CAMTA1: variants seen among roughly 807,000 people sequenced by gnomAD.
CAMTA1 encodes the protein calmodulin-binding transcription activator 1.
CAMTA1 carries 27 observed loss-of-function variants against 170.9 expected under a neutral mutation model. That is an observed-to-expected ratio of 0.16 (90% CI 0.12 to 0.22). CAMTA1 has a LOEUF of 0.22. Among genes scored for constraint, CAMTA1 ranks in the 10% least tolerant of loss-of-function variants. CAMTA1 has a pLI of 1.00. For missense variants in CAMTA1, 1,619 were observed against 2,217.2 expected (o/e 0.73, Z 5.42); for synonymous variants, 833 against 891.5 (o/e 0.93, Z 1.17).
At chr1:7,313,568 C>T (rs116426166) in intron 5 of CAMTA1, among the ~76,000 whole-genome samples, 255 of 152,310 alleles carry the variant, frequency 1.7e-3, no homozygotes, top group African/African-American at 5.9e-3. Flanking sequence ...AATTTCTGGA[C>T]ATCAAACCTA....
At chr1:7,068,523 C>G (rs1012824727) in intron 3 of CAMTA1, among the ~76,000 whole-genome samples, 1 of 152,110 alleles carries the variant, frequency 6.6e-6, no homozygotes. Context: ...GCCAGGCAGA[C>G]CACGATGGGG....
At chr1:7,345,820 A>T (rs2084180653) in intron 5 of CAMTA1, among the ~76,000 whole-genome samples, 1 of 152,134 alleles carries the variant, frequency 6.6e-6, no homozygotes, top group Non-Finnish European at 1.5e-5. Flanking sequence ...GCTGCCACTG[A>T]CCTACCTGCC....
rs1273425751 is a variant in CAMTA1, at chr1:7,532,843, AC to A, written c.510+64943del. ...AAGAGAAACAGGCCAGCAGGGCCCC[AC>A]GTGCTGAATGTCAAAGGGTGGAATG... is the stretch of plus-strand genomic sequence containing the variant. On this transcript the variant is annotated intron_variant, in intron 6 of 22. Transcript: ENST00000303635. The surrounding 1 kb of genome is among the most constrained non-coding windows in gnomAD (Gnocchi z 4.2). Among the ~76,000 whole-genome samples the A allele has an allele frequency of 6.6e-6, 1 of 152,154 alleles. No homozygotes were observed. The highest frequency in any genetic ancestry group is 2.4e-5 in the African/African-American group (1 of 41,442).
At chr1:7,487,707 C>G (rs977693224) in intron 6 of CAMTA1, among the ~76,000 whole-genome samples, 1 of 152,206 alleles carries the variant, frequency 6.6e-6, no homozygotes, top group African/African-American at 2.4e-5. Context: ...GACTGAAGAG[C>G]AGAGGGACAA....
At chr1:7,383,210 C>T (rs1237069625) in intron 5 of CAMTA1, among the ~76,000 whole-genome samples, 1 of 151,848 alleles carries the variant, frequency 6.6e-6, no homozygotes, top group African/African-American at 2.4e-5. Flanking sequence ...AGACCTTTGC[C>T]GCAGAAAAGG....
At chr1:7,160,108 G>T (rs942523930) in intron 4 of CAMTA1, among the ~76,000 whole-genome samples, 8 of 152,070 alleles carry the variant, frequency 5.3e-5, no homozygotes, top group African/African-American at 1.9e-4. Flanking sequence ...AATTAGCCGG[G>T]CATGGTGATG....
chr1:7,736,820 G>T lies in CAMTA1; in HGVS notation c.3264-111G>T. Reference sequence around the variant, plus strand: ...CCTGGGACTCTGTTTCTTCACCATGGGGATGTTATATACCCAGTTGGGTTT... The same window carrying T: ...CCTGGGACTCTGTTTCTTCACCATGTGGATGTTATATACCCAGTTGGGTTT... On this transcript the variant is annotated intron_variant, in intron 13 of 22. Transcript: ENST00000303635. The surrounding 1 kb of genome is among the most constrained non-coding windows in gnomAD (Gnocchi z 4.5). 2 of 876,334 alleles carry T rather than the reference G, an allele frequency of 2.3e-6. No individual in the cohort carries two copies. The highest frequency in any genetic ancestry group is 2.6e-5 in the East Asian group (1 of 37,960). 54.3% of individuals were successfully genotyped at this position (876,334 alleles called of 1,614,324 possible).
intron 3 of CAMTA1, among the ~76,000 whole-genome samples, chr1:6,836,049 A>G (rs1474575006): frequency 6.6e-6 from 1 of 152,082 alleles, no homozygotes; most frequent in Admixed American, 6.5e-5. Flanking sequence ...CTGCCTGCCT[A>G]CCTGCCTGTC....
chr1:7,678,808 C>T (rs2096152513), intron 11 of CAMTA1, among the ~76,000 whole-genome samples: 1 of 152,192 alleles, frequency 6.6e-6, no homozygotes, highest in African/African-American at 2.4e-5. Context: ...CAAGCAACAC[C>T]CCCTCACGCA....
chr1:7,135,780 C>T (rs1435609187), intron 4 of CAMTA1, among the ~76,000 whole-genome samples: 1 of 152,130 alleles, frequency 6.6e-6, no homozygotes, highest in Non-Finnish European at 1.5e-5. Flanking sequence ...CTCTATCTGT[C>T]GTAATTCATG....
intron 3 of CAMTA1, among the ~76,000 whole-genome samples, chr1:6,901,053 C>A (rs1676827798): frequency 6.6e-6 from 1 of 152,140 alleles, no homozygotes; most frequent in Non-Finnish European, 1.5e-5. Flanking sequence ...ACATATAAAT[C>A]AATGGAACCA....
At chr1:6,916,314 T>C (rs992743246) in intron 3 of CAMTA1, among the ~76,000 whole-genome samples, 3 of 152,098 alleles carry the variant, frequency 2.0e-5, no homozygotes, top group Non-Finnish European at 4.4e-5. Flanking sequence ...GAAAGGACAC[T>C]AAGACGATGG....
chr1:7,036,992 C>T (rs1200521427), intron 3 of CAMTA1, among the ~76,000 whole-genome samples: 1 of 152,212 alleles, frequency 6.6e-6, no homozygotes, highest in East Asian at 1.9e-4. Context: ...TATAGGAAGA[C>T]TTCTTCATCG....
chr1:7,664,043 G>A lies in CAMTA1; in HGVS notation c.1496G>A (p.Gly499Glu). 2 of 1,613,862 alleles carry A rather than the reference G, an allele frequency of 1.2e-6. No homozygotes were observed. The highest frequency in any genetic ancestry group is 1.7e-6 in the Non-Finnish European group (2 of 1,180,052). ...LNNPKQGQTY[G>E]GGGLKAEMVS... ...AACCCAAAGCAGGGCCAGACGTACG[G>A]GGGTGGAGGCCTGAAAGCCGAGATG... The change falls in exon 9 of 23, where the codon GGG (glycine) becomes GAG (glutamate). Residue 499 changes from glycine (G) to glutamate (E), a missense_variant. Physicochemically the swap from Gly to Glu is moderately conservative, Grantham distance 98 (BLOSUM62 -2). Coordinates refer to ENST00000303635, the MANE Select transcript of CAMTA1 (RefSeq NM_015215.4).
intron 5 of CAMTA1, among the ~76,000 whole-genome samples, chr1:7,262,558 A>G (rs530991063): frequency 6.6e-6 from 1 of 152,224 alleles, no homozygotes; most frequent in East Asian, 1.9e-4. Context: ...GCAGAACTCC[A>G]CCTCAAAAAA....
chr1:7,165,385 T>C (rs1648166927), intron 4 of CAMTA1, among the ~76,000 whole-genome samples: 1 of 152,166 alleles, frequency 6.6e-6, no homozygotes. Flanking sequence ...TGATCTAATT[T>C]CCTTCCCTCT....
Position 7,738,405 on chromosome 1 carries a change from G to T in CAMTA1, c.4105G>T (p.Val1369Leu), listed in dbSNP as rs1196245234. Residue 1369 changes from valine (V) to leucine (L), a missense_variant, in exon 16 of 23, where the codon GTG (valine) becomes TTG (leucine). Val to Leu is a conservative substitution (Grantham distance 32). This residue lies in a region of CAMTA1 where 370 missense variants were observed against 429.4 expected (regional missense o/e 0.86). Coordinates refer to ENST00000303635, the MANE Select transcript of CAMTA1 (RefSeq NM_015215.4). This position sits in a 1 kb window ranked among gnomAD's most constrained non-coding sequence, Gnocchi z 4.9. ...TGTCCTGATGATGGCTAACAGAGAGGTGGTGAATACAGAGCTGGGGTCCTA... is the reference window on the plus strand; with the variant it reads ...TGTCCTGATGATGGCTAACAGAGAGTTGGTGAATACAGAGCTGGGGTCCTA... ...MSVLMMANRE[V>L]VNTELGSYRD... is the part of the protein sequence containing the mutation. 4 of 1,614,070 alleles carry T rather than the reference G, an allele frequency of 2.5e-6. No homozygotes were observed. Among genetic ancestry groups the T allele is most frequent in the South Asian group, 1.1e-5 (1 of 91,090 alleles).
chr1:7,003,070 T>C (rs1255218363), intron 3 of CAMTA1, among the ~76,000 whole-genome samples: 1 of 152,226 alleles, frequency 6.6e-6, no homozygotes, highest in Non-Finnish European at 1.5e-5. Flanking sequence ...TTTTAAGACT[T>C]GTCCTGTGCA....
At chr1:7,710,526 G>A (rs1364005299) in intron 11 of CAMTA1, among the ~76,000 whole-genome samples, 1 of 149,394 alleles carries the variant, frequency 6.7e-6, no homozygotes, top group Non-Finnish European at 1.5e-5. Flanking sequence ...CTTGAGCCCA[G>A]GAGTTTGAGG....
Sources: allele counts gnomAD v4.1 joint callset (sites outside exome capture counted in the v4.1 genomes callset), GRCh38; gene constraint gnomAD v4.1.1; regional missense constraint gnomAD v4.1.1; non-coding constraint Gnocchi (gnomAD v3.1); transcripts MANE v1.5; gene names NCBI Gene and HGNC (gene_info 2026-07-23, HGNC 2026-07-21).